The following NETO2 variants were observed in gnomAD, a reference collection of about 807,000 sequenced individuals.
The protein encoded by NETO2 is neuropilin and tolloid like 2, also known as neuropilin and tolloid-like protein 2.
Under a neutral mutation model 62.5 loss-of-function variants are expected in NETO2, and 28 were observed. That is an observed-to-expected ratio of 0.45 (90% CI 0.33 to 0.61). The LOEUF (loss-of-function observed/expected upper bound fraction) is 0.61. NETO2 is among the 20% of genes least tolerant of loss of function. NETO2 has a pLI of 0.02. For missense variants in NETO2, 548 were observed against 643.2 expected, an observed-to-expected ratio of 0.85 and a Z score of 1.60; for synonymous variants, 214 against 219.1, an observed-to-expected ratio of 0.98 and a Z score of 0.21.
intron 4 of NETO2, among the ~76,000 whole-genome samples, chr16:47,126,770 T>C (rs1052408950): frequency 1.3e-5 from 2 of 152,178 alleles, no homozygotes; most frequent in Non-Finnish European, 2.9e-5. Context: ...AAAACTGTTC[T>C]AAAAAATAAA....
intron 1 of NETO2, among the ~76,000 whole-genome samples, chr16:47,141,312 G>A (rs1263250372): frequency 1.3e-5 from 2 of 152,164 alleles, no homozygotes; most frequent in African/African-American, 4.8e-5. Flanking sequence ...TGATGTTAAA[G>A]CAATTCACTT....
At chr16:47,100,760 T>C (rs1241698205) in intron 7 of NETO2, among the ~76,000 whole-genome samples, 2 of 152,114 alleles carry the variant, frequency 1.3e-5, no homozygotes, top group South Asian at 2.1e-4. Flanking sequence ...CAGGAAGAAG[T>C]TGAATCCCTG....
chr16:47,111,894 T>G (rs906890454), intron 6 of NETO2, among the ~76,000 whole-genome samples: 2 of 152,140 alleles, frequency 1.3e-5, no homozygotes, highest in Admixed American at 6.6e-5. Flanking sequence ...ACACTTTTAT[T>G]TCTCAATTGG....
At chr16:47,129,570 G>T (rs980193189) in intron 2 of NETO2, among the ~76,000 whole-genome samples, 1 of 152,162 alleles carries the variant, frequency 6.6e-6, no homozygotes, top group African/African-American at 2.4e-5. Context: ...AGTTTGCCGT[G>T]TAAGAGAACA....
chr16:47,117,149 C>T (rs1890505630), intron 6 of NETO2, among the ~76,000 whole-genome samples: 1 of 152,144 alleles, frequency 6.6e-6, no homozygotes, highest in African/African-American at 2.4e-5. Context: ...AGTCTTGCAT[C>T]ACAGTTCCCC....
At chr16:47,095,170 A>G (rs981174574) in intron 7 of NETO2, among the ~76,000 whole-genome samples, 8 of 152,218 alleles carry the variant, frequency 5.3e-5, no homozygotes, top group African/African-American at 1.9e-4. Flanking sequence ...GTTCATAAAA[A>G]CACAATCTCC....
chr16:47,095,503 T>C (rs969551572), intron 7 of NETO2, among the ~76,000 whole-genome samples: 7 of 152,178 alleles, frequency 4.6e-5, no homozygotes, highest in African/African-American at 9.6e-5. Context: ...TGGACAAAGA[T>C]ATTCCATGCA....
At chr16:47,139,002 A>C (rs1964413044) in intron 1 of NETO2, among the ~76,000 whole-genome samples, 1 of 152,168 alleles carries the variant, frequency 6.6e-6, no homozygotes, top group African/African-American at 2.4e-5. Context: ...CCAATTTCTA[A>C]ATAAGCGCTA....
intron 1 of NETO2, among the ~76,000 whole-genome samples, chr16:47,135,247 C>T (rs1964343670): frequency 6.6e-6 from 1 of 152,186 alleles, no homozygotes; most frequent in South Asian, 2.1e-4. Context: ...AATTATTTAG[C>T]ACATGAAGCA....
intron 7 of NETO2, among the ~76,000 whole-genome samples, chr16:47,087,571 A>G (rs943312703): frequency 6.6e-6 from 1 of 152,230 alleles, no homozygotes; most frequent in Non-Finnish European, 1.5e-5. Flanking sequence ...ACTGAACTGT[A>G]TACTTAAAAT....
rs939765066 is a variant in NETO2 at position 47,121,066 on chromosome 16, C to T, written c.654+1591G>A. 3.9e-5 allele frequency among the ~76,000 whole-genome samples: 6 copies of T among 152,186 alleles called. No homozygotes were observed. The East Asian group carries it at 5.8e-4, about 15-fold the overall frequency. ...TAAACTGCCACCTCTTCCAGCGATA[C>T]ACTCTGGGTAATTTCCTCAGACACA... is the stretch of plus-strand genomic sequence containing the variant. On this transcript the variant is annotated intron_variant, in intron 6 of 8. Transcript: ENST00000562435.
intron 1 of NETO2, among the ~76,000 whole-genome samples, chr16:47,140,964 A>G (rs1964450646): frequency 6.6e-6 from 1 of 152,240 alleles, no homozygotes; most frequent in African/African-American, 2.4e-5. Flanking sequence ...TAATATTTTC[A>G]TGAGACTATA....
At chr16:47,109,416 C>T in intron 7 of NETO2, 67 bp downstream of exon 7, 1 of 1,020,052 alleles carries the variant, frequency 9.8e-7, no homozygotes, top group Non-Finnish European at 1.4e-6. Context: ...AAAGTAAATG[C>T]TGAGTGTACT....
intron 6 of NETO2, among the ~76,000 whole-genome samples, chr16:47,120,939 G>A (rs1442280090): frequency 6.6e-6 from 1 of 150,938 alleles, no homozygotes; most frequent in Non-Finnish European, 1.5e-5. Flanking sequence ...GCAATGTGCC[G>A]ACATGGTAAC....
chr16:47,141,460 T>TAA (rs796841662), intron 1 of NETO2, among the ~76,000 whole-genome samples: 78 of 142,626 alleles, frequency 5.5e-4, no homozygotes, highest in African/African-American at 1.8e-3. Context: ...ATGCGTTTGG[T>TAA]AAAAAAAAAA....
At chr16:47,140,888 G>A (rs1012261718) in intron 1 of NETO2, among the ~76,000 whole-genome samples, 11 of 152,190 alleles carry the variant, frequency 7.2e-5, no homozygotes, top group African/African-American at 2.4e-4. Context: ...ATATTGCTGA[G>A]TCGAACAGAT....
Position 47,127,383 on chromosome 16 carries a change from T to C in NETO2, c.481+942A>G, listed in dbSNP as rs578253625. ...ACAGTAGCCCCCCAATATACACACA[T>C]TGGATTCCCCATAACCTGTGAGTAG... On this transcript the variant is annotated intron_variant, in intron 4 of 8. Transcript: ENST00000562435. Among the ~76,000 whole-genome samples the C allele has an allele frequency of 2.0e-4, 31 of 152,298 alleles. 1 individual carries two copies. In the South Asian group the frequency reaches 2.7e-3, roughly 13 times the overall value.
chr16:47,129,712 G>A (rs1030639579), intron 2 of NETO2, among the ~76,000 whole-genome samples: 2 of 152,184 alleles, frequency 1.3e-5, no homozygotes, highest in Non-Finnish European at 2.9e-5. Context: ...TCTCTGATAT[G>A]GGGCCCTCAA....
intron 1 of NETO2, among the ~76,000 whole-genome samples, chr16:47,132,409 G>A (rs1387494084): frequency 6.6e-6 from 1 of 152,022 alleles, no homozygotes; most frequent in Non-Finnish European, 1.5e-5. Context: ...TGGCTCTGCA[G>A]TGTGCTATGG....
Sources: allele counts gnomAD v4.1 joint callset (sites outside exome capture counted in the v4.1 genomes callset), GRCh38; gene constraint gnomAD v4.1.1; transcripts MANE v1.5; gene names NCBI Gene and HGNC (gene_info 2026-07-23, HGNC 2026-07-21).